NAF1: variants seen among roughly 807,000 people sequenced by gnomAD.
NAF1 encodes H/ACA ribonucleoprotein complex non-core subunit NAF1.
Under a neutral mutation model 40.6 loss-of-function variants are expected in NAF1, and 11 were observed. The observed-to-expected ratio is 0.27, with a 90% confidence interval of 0.17 to 0.45. The LOEUF (loss-of-function observed/expected upper bound fraction) is 0.45, where lower values mean the gene tolerates loss of function less well. NAF1 is among the 20% of genes least tolerant of loss of function. NAF1 has a pLI of 1.00. For missense variants in NAF1, 607 were observed against 611.1 expected (o/e 0.99, Z 0.07); for synonymous variants, 260 against 228.5 (o/e 1.14, Z -1.24).
intron 2 of NAF1, among the ~76,000 whole-genome samples, chr4:163,160,300 C>T (rs371448434): frequency 6.6e-6 from 1 of 152,106 alleles, no homozygotes; most frequent in African/African-American, 2.4e-5. Flanking sequence ...CACTATAGCT[C>T]GCTAATTCCT....
At chr4:163,164,511 T>A in intron 1 of NAF1, 120 bp from the exon 2 acceptor site, 1 of 718,386 alleles carries the variant, frequency 1.4e-6, no homozygotes, top group Non-Finnish European at 2.1e-6. Context: ...ATTCTAATAT[T>A]AAAATAAGAT....
intron 2 of NAF1, among the ~76,000 whole-genome samples, chr4:163,116,702 T>A (rs1730348939): frequency 6.6e-6 from 1 of 152,194 alleles, no homozygotes; most frequent in Admixed American, 6.5e-5. Flanking sequence ...TCAAACAAAA[T>A]CTTTAACCTA....
At chr4:163,123,896 C>T (rs1056523442), downstream of NAF1, among the ~76,000 whole-genome samples, 1 of 152,146 alleles carries the variant, frequency 6.6e-6, no homozygotes, top group Non-Finnish European at 1.5e-5. Context: ...TTTGCCTTTA[C>T]ATCAGTTTAA....
chr4:163,124,480 T>C (rs1730597812), downstream of NAF1, among the ~76,000 whole-genome samples: 1 of 152,252 alleles, frequency 6.6e-6, no homozygotes, highest in Non-Finnish European at 1.5e-5. Flanking sequence ...TTCTTTAGAT[T>C]ATTTATAATG....
At position 163,133,154 on chromosome 4, in the gene NAF1, C is replaced by T; in HGVS notation, c.1033G>A (p.Gly345Ser). 6.2e-7 allele frequency: 1 copy of T among 1,610,580 alleles called. No individual in the cohort carries two copies. Among genetic ancestry groups the T allele is most frequent in the South Asian group, 1.1e-5 (1 of 90,990 alleles). The part of the protein sequence containing the change: ...KKLKSEFNEP[G>S]EDFTEVHQNW... ...GAGTATATATATTGTATTCACTCAC[C>T]AGGCTCATTAAATTCAGATTTGAGT... is the stretch of plus-strand genomic sequence containing the variant. The change falls in exon 7 of 8, where the codon GGT (glycine) becomes AGT (serine). Residue 345 changes from glycine (G) to serine (S), a missense_variant and splice_region_variant. Physicochemically the swap from Gly to Ser is moderately conservative, Grantham distance 56. This residue lies in a region of NAF1 where 189 missense variants were observed against 216.6 expected (regional missense o/e 0.87). Transcript: ENST00000274054.
Position 163,129,245 on chromosome 4 carries a change from C to A in NAF1, c.1137G>T (p.Arg379Ser). The A allele has an allele frequency of 6.2e-7, 1 of 1,613,998 alleles. No homozygotes were observed. Among genetic ancestry groups the A allele is most frequent in the Non-Finnish European group, 8.5e-7 (1 of 1,179,972 alleles). The change falls in exon 8 of 8, where the codon AGG becomes AGT. Residue 379 changes from arginine to serine, a missense_variant. Physicochemically the swap from Arg to Ser is moderately radical, Grantham distance 110 (BLOSUM62 -1). This residue lies in a region of NAF1 where 189 missense variants were observed against 216.6 expected (regional missense o/e 0.87). Transcript: ENST00000274054. ...RNREFTRGFS[R>S]ARYPRSCHGR... ...CATGGCAAGATCGAGGGTATCTGGC[C>A]CTGGAAAATCCTCGTGTGAATTCTC...
chr4:163,160,826 T>C (rs1448582340), intron 2 of NAF1, among the ~76,000 whole-genome samples: 1 of 152,166 alleles, frequency 6.6e-6, no homozygotes. Flanking sequence ...TCATTAATTT[T>C]CTTCAGAATT....
intron 2 of NAF1, among the ~76,000 whole-genome samples, chr4:163,155,163 T>C (rs1731926908): frequency 1.3e-5 from 2 of 152,230 alleles, no homozygotes; most frequent in Admixed American, 6.5e-5. Context: ...ATCTACTGTA[T>C]CACTACCAAG....
downstream of NAF1, among the ~76,000 whole-genome samples, chr4:163,127,784 C>G (rs755500970): frequency 4.6e-5 from 7 of 152,154 alleles, no homozygotes; most frequent in Non-Finnish European, 8.8e-5. Flanking sequence ...GCAACCAGAG[C>G]GCATGGGCTT....
chr4:163,126,328 G>A (rs973879180), downstream of NAF1, among the ~76,000 whole-genome samples: 4 of 152,080 alleles, frequency 2.6e-5, no homozygotes, highest in Non-Finnish European at 5.9e-5. Context: ...TTTATGAGGG[G>A]GGTCAAAATA....
intron 2 of NAF1, among the ~76,000 whole-genome samples, chr4:163,110,520 G>C (rs972299115): frequency 6.6e-6 from 1 of 152,068 alleles, no homozygotes; most frequent in Non-Finnish European, 1.5e-5. Context: ...CGCTGGTCTT[G>C]GAACATATCC....
At chr4:163,155,327 C>T (rs1222375417) in intron 2 of NAF1, among the ~76,000 whole-genome samples, 1 of 152,136 alleles carries the variant, frequency 6.6e-6, no homozygotes, top group East Asian at 1.9e-4. Flanking sequence ...ATAACGAGGA[C>T]CCAGTCTTGC....
intron 7 of NAF1, 78 bp from the exon 8 acceptor site, chr4:163,129,426 A>G: frequency 7.3e-7 from 1 of 1,369,636 alleles, no homozygotes. Context: ...AATTTCAATT[A>G]TGATTTTTAT....
Position 163,145,809 on chromosome 4 carries a change from A to G in NAF1, c.690T>C (p.Phe230=). 1 of 1,589,558 alleles carries G rather than the reference A, an allele frequency of 6.3e-7. No individual in the cohort carries two copies. The highest frequency in any genetic ancestry group is 8.6e-7 in the Non-Finnish European group (1 of 1,163,156). ...TTCCTGCTGCTTGTCGATCACTTTT[A>G]AAAATTACAGTCTCCTCATTAACTG... ...LPPVNEETVI[F]KSDRQAAGKI... Residue 230 remains phenylalanine (F), a synonymous_variant, in exon 4 of 8, where the codon TTT becomes TTC. Coordinates refer to ENST00000274054, the MANE Select transcript of NAF1 (RefSeq NM_138386.3).
chr4:163,152,635 T>G (rs1731758396), intron 2 of NAF1, among the ~76,000 whole-genome samples: 1 of 152,056 alleles, frequency 6.6e-6, no homozygotes. Context: ...ATCACCACCA[T>G]ATTTCCAATA....
downstream of NAF1, among the ~76,000 whole-genome samples, chr4:163,105,413 CTAAAG>C (rs1466032349): frequency 6.6e-6 from 1 of 152,184 alleles, no homozygotes; most frequent in Non-Finnish European, 1.5e-5. Context: ...TAAATAGTTC[CTAAAG>C]TAAAAACTGG....
chr4:163,137,232 T>C lies in NAF1; in HGVS notation c.897A>G (p.Ala299=). The change falls in exon 6 of 8, where the codon GCA becomes GCG. Residue 299 remains alanine, a synonymous_variant. Coordinates refer to ENST00000274054, the MANE Select transcript of NAF1 (RefSeq NM_138386.3). ...EKLKQDKGSD[A]SWKNDQEPPP... The stretch of plus-strand genomic sequence containing the variant: ...GTGGTTCCTGATCATTCTTCCATGA[T>C]GCATCTGATCCCTTATCCCTGAGTG... 1.2e-6 allele frequency: 2 copies of C among 1,610,208 alleles called. No homozygotes were observed. Among genetic ancestry groups the C allele is most frequent in the East Asian group, 2.2e-5 (1 of 44,770 alleles).
chr4:163,140,097 T>C, intron 5 of NAF1, 126 bp downstream of exon 5: 3 of 675,836 alleles, frequency 4.4e-6, no homozygotes, highest in Non-Finnish European at 6.9e-6. Flanking sequence ...AAGATATTAT[T>C]AGGAAGATAA....
chr4:163,129,652 T>C (rs911070607), intron 7 of NAF1, among the ~76,000 whole-genome samples: 2 of 152,176 alleles, frequency 1.3e-5, no homozygotes, highest in African/African-American at 4.8e-5. Context: ...CCTAGACTTC[T>C]ATCCTTGACA....
Sources: allele counts gnomAD v4.1 joint callset (sites outside exome capture counted in the v4.1 genomes callset), GRCh38; gene constraint gnomAD v4.1.1; regional missense constraint gnomAD v4.1.1; transcripts MANE v1.5; gene names NCBI Gene and HGNC (gene_info 2026-07-23, HGNC 2026-07-21).